GSTCD: variants seen among roughly 807,000 people sequenced by gnomAD.
GSTCD encodes the protein glutathione S-transferase C-terminal domain containing.
GSTCD carries 44 observed loss-of-function variants against 68.3 expected under a neutral mutation model. That is an observed-to-expected ratio of 0.64 (90% CI 0.51 to 0.83). GSTCD has a LOEUF of 0.83. Among genes scored for constraint, GSTCD ranks in the 40% least tolerant of loss-of-function variants. The pLI is 0.00. For synonymous variants in GSTCD, 273 were observed against 255.2 expected (o/e 1.07, Z -0.67); for missense variants, 739 against 735.9 (o/e 1.00, Z -0.05).
intron 5 of GSTCD, among the ~76,000 whole-genome samples, chr4:105,733,473 G>C (rs2149215311): frequency 6.6e-6 from 1 of 152,212 alleles, no homozygotes; most frequent in South Asian, 2.1e-4. Flanking sequence ...ATCTTTGTTG[G>C]TTTAAAGTCT....
At chr4:105,826,474 T>A (rs1189052076) in intron 8 of GSTCD, among the ~76,000 whole-genome samples, 1 of 152,042 alleles carries the variant, frequency 6.6e-6, no homozygotes, top group African/African-American at 2.4e-5. Context: ...GATAGGAATA[T>A]ACATTTTGAT....
intron 5 of GSTCD, among the ~76,000 whole-genome samples, chr4:105,775,731 G>A (rs749274882): frequency 2.6e-5 from 4 of 152,260 alleles, no homozygotes; most frequent in East Asian, 1.9e-4. Context: ...GCTTTGTTCC[G>A]CAGGGGCACC....
intron 1 of GSTCD, among the ~76,000 whole-genome samples, chr4:105,711,317 T>C (rs763980910): frequency 2.6e-5 from 4 of 152,260 alleles, no homozygotes; most frequent in Non-Finnish European, 5.9e-5. Flanking sequence ...TTTTGTACAA[T>C]AGGTTGATAT....
Position 105,726,581 on chromosome 4 carries a change from A to T in GSTCD, c.897A>T (p.Val299=). The change falls in exon 4 of 12, where the codon GTA becomes GTT. Residue 299 remains valine (V), a splice_region_variant and synonymous_variant. Transcript: ENST00000515279. ...VLLPCIHHFL[V]IISRKFSEKL... is the part of the protein sequence containing the mutation. The stretch of plus-strand genomic sequence containing the variant: ...TGTTTTATTATTTTCCTACCTAGGT[A>T]ATTATCAGCAGGAAATTTTCTGAGA... 6.4e-7 allele frequency: 1 copy of T among 1,568,278 alleles called. No homozygotes were observed. The highest frequency in any genetic ancestry group is 2.4e-5 in the East Asian group (1 of 42,430).
chr4:105,732,152 CTT>C (rs1326369007), intron 5 of GSTCD, among the ~76,000 whole-genome samples: 1 of 151,994 alleles, frequency 6.6e-6, no homozygotes, highest in African/African-American at 2.4e-5. Context: ...GTCTAAAATT[CTT>C]TTTTTGTTGT....
chr4:105,774,790 C>A (rs1734988986), intron 5 of GSTCD, among the ~76,000 whole-genome samples: 1 of 152,148 alleles, frequency 6.6e-6, no homozygotes, highest in Non-Finnish European at 1.5e-5. Flanking sequence ...AACATTTTTT[C>A]CTTCATTTCA....
intron 5 of GSTCD, among the ~76,000 whole-genome samples, chr4:105,766,887 C>CTTTTTTCTTTTT (rs1734629575): frequency 1.8e-5 from 1 of 57,138 alleles, no homozygotes; most frequent in Non-Finnish European, 3.0e-5. Flanking sequence ...GTTTTTGACT[C>CTTTTTTCTTTTT]TTTTTTTTTT....
chr4:105,732,213 G>A (rs1267860698), intron 5 of GSTCD, among the ~76,000 whole-genome samples: 3 of 152,316 alleles, frequency 2.0e-5, no homozygotes, highest in African/African-American at 7.2e-5. Flanking sequence ...CATAAAATGA[G>A]TTAGGGAGGA....
At chr4:105,825,164 G>C (rs1723532908) in intron 7 of GSTCD, among the ~76,000 whole-genome samples, 1 of 151,850 alleles carries the variant, frequency 6.6e-6, no homozygotes, top group Non-Finnish European at 1.5e-5. Flanking sequence ...GATTCTCCCT[G>C]CGATGCCCAG....
chr4:105,717,788 G>C lies in GSTCD; in HGVS notation c.175G>C (p.Asp59His). The C allele has an allele frequency of 6.2e-7, 1 of 1,613,988 alleles. No individual in the cohort carries two copies. Reference protein sequence around the residue: ...CLVVTKEVSRDSSLLRDDLIQ... With the variant: ...CLVVTKEVSRHSSLLRDDLIQ... ...AGTTGTCACCAAAGAGGTGAGTAGA[G>C]ATAGTTCACTACTAAGAGATGACCT... is the stretch of plus-strand genomic sequence containing the variant. Residue 59 changes from aspartate (D) to histidine (H), a missense_variant, in exon 2 of 12, where the codon GAT (aspartate) becomes CAT (histidine). Coordinates refer to ENST00000515279, the MANE Select transcript of GSTCD (RefSeq NM_001370181.1).
intron 5 of GSTCD, among the ~76,000 whole-genome samples, chr4:105,730,965 G>A (rs1031912376): frequency 3.9e-5 from 6 of 152,258 alleles, no homozygotes; most frequent in Admixed American, 3.9e-4. Context: ...CATATGGCTT[G>A]CCAGTTTTCC....
chr4:105,712,896 T>C (rs1342024880), intron 1 of GSTCD, among the ~76,000 whole-genome samples: 1 of 152,054 alleles, frequency 6.6e-6, no homozygotes, highest in Non-Finnish European at 1.5e-5. Context: ...TAGAATATAG[T>C]AGTCTGGAGT....
At chr4:105,768,131 G>T (rs944346167) in intron 5 of GSTCD, among the ~76,000 whole-genome samples, 8 of 151,792 alleles carry the variant, frequency 5.3e-5, no homozygotes, top group African/African-American at 1.9e-4. Flanking sequence ...CACCTGCCGG[G>T]TTCCCGCCAT....
chr4:105,729,344 T>G, intron 4 of GSTCD, 62 bp from the exon 5 acceptor site: 1 of 999,284 alleles, frequency 1.0e-6, no homozygotes, highest in Admixed American at 2.1e-5. Context: ...TTTTTAGCCT[T>G]CAATAATATA....
intron 5 of GSTCD, 25 bp downstream of exon 5, chr4:105,729,524 T>A (rs769275230): frequency 6.7e-7 from 1 of 1,486,792 alleles, no homozygotes; most frequent in Non-Finnish European, 9.4e-7. Flanking sequence ...TTCTTTAAGT[T>A]TTATTCATAC....
intron 5 of GSTCD, among the ~76,000 whole-genome samples, chr4:105,798,653 A>C (rs549308595): frequency 1.3e-5 from 2 of 152,268 alleles, no homozygotes; most frequent in East Asian, 3.9e-4. Context: ...GAGTCATGAT[A>C]TTTTAAAGGG....
chr4:105,768,202 T>C (rs1221761997), intron 5 of GSTCD, among the ~76,000 whole-genome samples: 1 of 151,956 alleles, frequency 6.6e-6, no homozygotes, highest in East Asian at 1.9e-4. Flanking sequence ...TAATTTTTTT[T>C]GTATTTTTTA....
At chr4:105,720,581 A>G (rs980250481) in intron 3 of GSTCD, among the ~76,000 whole-genome samples, 1 of 152,226 alleles carries the variant, frequency 6.6e-6, no homozygotes, top group Non-Finnish European at 1.5e-5. Context: ...AACCAAAACA[A>G]TATAAAAAGA....
At chr4:105,720,229 G>A (rs980199652) in intron 3 of GSTCD, among the ~76,000 whole-genome samples, 3 of 152,038 alleles carry the variant, frequency 2.0e-5, no homozygotes, top group Admixed American at 6.6e-5. Context: ...TTCCCTCTGT[G>A]GAGGAAAAAA....
Sources: allele counts gnomAD v4.1 joint callset (sites outside exome capture counted in the v4.1 genomes callset), GRCh38; gene constraint gnomAD v4.1.1; transcripts MANE v1.5; gene names NCBI Gene and HGNC (gene_info 2026-07-23, HGNC 2026-07-21).